Variants in VTCN1 observed in about 807,000 individuals in gnomAD.
The protein encoded by VTCN1 is V-set domain-containing T-cell activation inhibitor 1.
VTCN1 carries 26 observed loss-of-function variants against 26.5 expected under a neutral mutation model. The observed-to-expected ratio is 0.98, with a 90% CI of 0.72 to 1.36. VTCN1 has a LOEUF of 1.36. Among genes scored for constraint, VTCN1 ranks in the 40% most tolerant of loss-of-function variants. The probability of loss-of-function intolerance (pLI) is 0.00; values close to 1 mark genes in which losing one functional copy is unlikely to be tolerated. For synonymous variants in VTCN1, 116 were observed against 130.7 expected (o/e 0.89, Z 0.77); for missense variants, 298 against 337.7 (o/e 0.88, Z 0.92).
Position 117,147,801 on chromosome 1 carries a change from AG to A in VTCN1, c.725-20del, listed in dbSNP as rs1557858018. 1 of 1,611,842 alleles carries A rather than the reference AG, an allele frequency of 6.2e-7. No homozygotes were observed. Among genetic ancestry groups the A allele is most frequent in the Admixed American group, 1.7e-5 (1 of 59,478 alleles). On this transcript the variant is annotated intron_variant, in intron 4 of 5. Transcript: ENST00000369458. This position sits in a 1 kb window ranked among gnomAD's most constrained non-coding sequence, Gnocchi z 4.6. Reference sequence around the variant, plus strand: ...TCCGATTCTGTGAAGTGAGAGAAAAAGTTTAGGGTCATACAGGAGAAGCTGG... The same window carrying A: ...TCCGATTCTGTGAAGTGAGAGAAAAATTTAGGGTCATACAGGAGAAGCTGG...
At position 117,155,806 on chromosome 1, in the gene VTCN1, C is replaced by T. The variant is rs1247084071; in HGVS notation, c.445+768G>A. ...AGGCTCCCCTCAAATGCCAGCTTCT[C>T]CAGGGGGCTTTCCCATCCCTTCCCT... On this transcript the variant is annotated intron_variant, in intron 3 of 5. Transcript: ENST00000369458. The surrounding 1 kb of genome is among the most constrained non-coding windows in gnomAD (Gnocchi z 4.8). 6.6e-6 allele frequency among the ~76,000 whole-genome samples: 1 copy of T among 152,200 alleles called. No individual in the cohort carries two copies. Among genetic ancestry groups the T allele is most frequent in the Non-Finnish European group, 1.5e-5 (1 of 68,034 alleles).
intron 4 of VTCN1, among the ~76,000 whole-genome samples, chr1:117,151,319 G>A (rs1241654378): frequency 1.3e-5 from 2 of 152,018 alleles, no homozygotes; most frequent in South Asian, 2.1e-4. Context: ...TGGGTTTGTG[G>A]TCTCACTGAC....
At chr1:117,196,295 TAGA>T (rs535814404) in intron 1 of VTCN1, among the ~76,000 whole-genome samples, 15 of 152,168 alleles carry the variant, frequency 9.9e-5, no homozygotes, top group Admixed American at 4.6e-4. Flanking sequence ...AATCATATTA[TAGA>T]AGAAGATTTA....
intron 1 of VTCN1, among the ~76,000 whole-genome samples, chr1:117,179,439 G>T (rs888853033): frequency 6.6e-6 from 1 of 152,204 alleles, no homozygotes; most frequent in Non-Finnish European, 1.5e-5. Context: ...GTATTTGAAA[G>T]GTGGTGTTTG....
At chr1:117,191,254 T>C (rs922051579) in intron 1 of VTCN1, among the ~76,000 whole-genome samples, 1 of 152,092 alleles carries the variant, frequency 6.6e-6, no homozygotes, top group Middle Eastern at 3.2e-3. Flanking sequence ...TGAAAAATAG[T>C]AAAGAAAGCA....
At position 117,196,974 on chromosome 1, in the gene VTCN1, G is replaced by T. The variant is rs183021063; in HGVS notation, c.32+13850C>A. Among the ~76,000 whole-genome samples the T allele has an allele frequency of 6.0e-4, 91 of 152,282 alleles. 1 individual carries two copies. Among genetic ancestry groups the T allele is most frequent in the African/African-American group, 2.0e-3 (84 of 41,566 alleles). On this transcript the variant is annotated intron_variant, in intron 1 of 5. Coordinates refer to ENST00000369458, the MANE Select transcript of VTCN1 (RefSeq NM_024626.4). ...ACACCTTTGGGGAATGCTAATGAAA[G>T]CCACCATCTTGCAGCTCACTTCTTT...
At chr1:117,164,744 C>A (rs1224351409) in intron 2 of VTCN1, among the ~76,000 whole-genome samples, 1 of 152,194 alleles carries the variant, frequency 6.6e-6, no homozygotes, top group Non-Finnish European at 1.5e-5. Context: ...CAGAGCTGTT[C>A]AAAGTCAGAG....
intron 4 of VTCN1, among the ~76,000 whole-genome samples, chr1:117,151,678 A>G (rs926372156): frequency 2.0e-4 from 30 of 152,192 alleles, no homozygotes; most frequent in African/African-American, 6.8e-4. Flanking sequence ...CTAGCTAGAC[A>G]GAAAAGTTCT....
chr1:117,154,800 A>AAAAG (rs1553207687), intron 3 of VTCN1, among the ~76,000 whole-genome samples: 85 of 150,748 alleles, frequency 5.6e-4, no homozygotes, highest in Middle Eastern at 3.4e-3. Context: ...AAAAAAAAAA[A>AAAAG]AAAGAAAGAA....
At position 117,143,919 on chromosome 1, in the gene VTCN1, A is replaced by T. The variant is rs1225518849; in HGVS notation, c.*1352T>A. On this transcript the variant is annotated 3_prime_UTR_variant, in exon 6 of 6. Coordinates refer to ENST00000369458, the MANE Select transcript of VTCN1 (RefSeq NM_024626.4). The stretch of plus-strand genomic sequence containing the variant: ...AGTAAGAAAACCTGAGCTAGAACTC[A>T]GGCATTTCTCTTACAGAACTTGGCT... The T allele has an allele frequency of 1.3e-5, 2 of 152,212 alleles. No homozygotes were observed. The highest frequency in any genetic ancestry group is 2.9e-5 in the Non-Finnish European group (2 of 68,044). 9.4% of individuals were successfully genotyped at this position (152,212 alleles called of 1,614,324 possible). A position where few individuals can be genotyped will look rare whatever the true frequency, so the allele number is the denominator to read the frequency against.
At chr1:117,154,522 G>A (rs940622266) in intron 3 of VTCN1, among the ~76,000 whole-genome samples, 17 of 152,116 alleles carry the variant, frequency 1.1e-4, no homozygotes, top group East Asian at 1.9e-4. Context: ...AGTGGCACAC[G>A]CCTGTAATCC....
At chr1:117,199,996 T>C (rs1348050672) in intron 1 of VTCN1, among the ~76,000 whole-genome samples, 1 of 152,156 alleles carries the variant, frequency 6.6e-6, no homozygotes, top group African/African-American at 2.4e-5. Flanking sequence ...AAAGTTTTCA[T>C]GGAAAAAGCA....
intron 1 of VTCN1, among the ~76,000 whole-genome samples, chr1:117,201,399 T>A (rs1570992215): frequency 6.6e-6 from 1 of 152,262 alleles, no homozygotes; most frequent in African/African-American, 2.4e-5. Context: ...AAAGGCACAG[T>A]AACTCGGGAT....
At chr1:117,198,966 A>G (rs2101596657) in intron 1 of VTCN1, among the ~76,000 whole-genome samples, 1 of 152,306 alleles carries the variant, frequency 6.6e-6, no homozygotes, top group Non-Finnish European at 1.5e-5. Flanking sequence ...GCATTCCTGG[A>G]AAGTAAAAAT....
Position 117,167,098 on chromosome 1 carries a change from A to T in VTCN1, c.97+3009T>A, listed in dbSNP as rs1291822145. 6.6e-6 allele frequency among the ~76,000 whole-genome samples: 1 copy of T among 152,224 alleles called. No homozygotes were observed. Among genetic ancestry groups the T allele is most frequent in the South Asian group, 2.1e-4 (1 of 4,824 alleles). ...ACAGAGCAAGACTGTCTCAAAAAAA[A>T]AAAAAAGAATATATATGTATGTAAA... On this transcript the variant is annotated intron_variant, in intron 2 of 5. Transcript: ENST00000369458. This position sits in a 1 kb window ranked among gnomAD's most constrained non-coding sequence, Gnocchi z 4.1.
At chr1:117,148,769 T>G (rs185377380) in intron 4 of VTCN1, among the ~76,000 whole-genome samples, 18 of 152,122 alleles carry the variant, frequency 1.2e-4, no homozygotes, top group African/African-American at 4.1e-4. Flanking sequence ...GATCAAAATA[T>G]CACCTTTAGT....
chr1:117,153,374 A>G lies in VTCN1; in HGVS notation c.446-5T>C, dbSNP rs756025734. On this transcript the variant is annotated splice_polypyrimidine_tract_variant and splice_region_variant and intron_variant, in intron 3 of 5. Transcript: ENST00000369458. ...TCACTTCCGGCATGCTGAAGGCTGC[A>G]GGGTCAAAAGTCAGAAAGGGCAGAT... 2.5e-6 allele frequency: 4 copies of G among 1,597,810 alleles called. No homozygotes were observed. Among genetic ancestry groups the G allele is most frequent in the Non-Finnish European group, 3.4e-6 (4 of 1,168,264 alleles).
chr1:117,190,804 TA>T (rs1469481574), intron 1 of VTCN1, among the ~76,000 whole-genome samples: 1 of 152,230 alleles, frequency 6.6e-6, no homozygotes, highest in African/African-American at 2.4e-5. Context: ...CTATAAAGTC[TA>T]AAACAGATGT....
chr1:117,157,091 T>TTATATATATATATATATATA (rs963187591), intron 2 of VTCN1, 170 bp from the exon 3 acceptor site: 6 of 759,222 alleles, frequency 7.9e-6, no homozygotes, highest in Non-Finnish European at 3.9e-6. Context: ...ACAATCATTT[T>TTATATATATATATATATATA]GATATATATA....
Sources: allele counts gnomAD v4.1 joint callset (sites outside exome capture counted in the v4.1 genomes callset), GRCh38; gene constraint gnomAD v4.1.1; non-coding constraint Gnocchi (gnomAD v3.1); transcripts MANE v1.5; gene names NCBI Gene and HGNC (gene_info 2026-07-23, HGNC 2026-07-21).